RIMS2: variants seen among roughly 807,000 people sequenced by gnomAD.
RIMS2 encodes the protein regulating synaptic membrane exocytosis 2.
In RIMS2, 59 loss-of-function variants were observed where a neutral mutation model predicts 174.4. That is an observed-to-expected ratio of 0.34 (90% confidence interval 0.27 to 0.42). The LOEUF is 0.42. RIMS2 is among the 10% of genes least tolerant of loss of function. The pLI is 1.00. For synonymous variants in RIMS2, 606 were observed against 572.5 expected (o/e 1.06, Z -0.84); for missense variants, 1,620 against 1,666.3 (o/e 0.97, Z 0.48).
intron 3 of RIMS2, among the ~76,000 whole-genome samples, chr8:103,770,675 T>C (rs2098242129): frequency 6.6e-6 from 1 of 152,148 alleles, no homozygotes; most frequent in East Asian, 1.9e-4. Flanking sequence ...TTGAAATTTC[T>C]CCCTTTGCCC....
intron 8 of RIMS2, among the ~76,000 whole-genome samples, chr8:103,917,315 T>C (rs1362366786): frequency 6.6e-6 from 1 of 152,186 alleles, no homozygotes; most frequent in African/African-American, 2.4e-5. Flanking sequence ...GCCTGTATTA[T>C]TTTTATCTCT....
At chr8:103,923,359 ATAAG>A (rs1315325158) in intron 10 of RIMS2, among the ~76,000 whole-genome samples, 5 of 151,810 alleles carry the variant, frequency 3.3e-5, no homozygotes, top group Admixed American at 6.6e-5. Flanking sequence ...GATTTCTATA[ATAAG>A]TAAGTATCAC....
chr8:104,249,350 G>T, intron 21 of RIMS2, 137 bp from the exon 28 acceptor site: 2 of 540,052 alleles, frequency 3.7e-6, no homozygotes, highest in African/African-American at 1.9e-5. Context: ...AGATATTATT[G>T]ATAGAATTTT....
intron 3 of RIMS2, among the ~76,000 whole-genome samples, chr8:103,812,813 ATACTT>A (rs1387516909): frequency 6.6e-6 from 1 of 152,222 alleles, no homozygotes; most frequent in Non-Finnish European, 1.5e-5. Context: ...GAAATATAGA[ATACTT>A]TACAACAGAG....
chr8:103,671,198 C>T (rs1049697802), intron 1 of RIMS2, among the ~76,000 whole-genome samples: 8 of 151,812 alleles, frequency 5.3e-5, no homozygotes, highest in East Asian at 1.9e-4. Context: ...TGGGGGAAAC[C>T]GCCCTCATGA....
chr8:103,889,432 T>A (rs1035253391), intron 4 of RIMS2, among the ~76,000 whole-genome samples: 2 of 151,794 alleles, frequency 1.3e-5, no homozygotes, highest in Non-Finnish European at 2.9e-5. Context: ...TTCAAAAATA[T>A]GCAAGGCAAA....
At chr8:103,647,703 T>A (rs1325252654) in intron 1 of RIMS2, among the ~76,000 whole-genome samples, 2 of 152,104 alleles carry the variant, frequency 1.3e-5, no homozygotes, top group African/African-American at 4.8e-5. Flanking sequence ...TTCTAGTTTA[T>A]GTGCATAGAG....
chr8:103,747,829 T>G (rs899584703), intron 2 of RIMS2, among the ~76,000 whole-genome samples: 3 of 152,096 alleles, frequency 2.0e-5, no homozygotes, highest in Non-Finnish European at 2.9e-5. Context: ...CTTATTAAGT[T>G]TGAGATAAAT....
intron 3 of RIMS2, among the ~76,000 whole-genome samples, chr8:103,866,755 C>T (rs903823105): frequency 1.3e-5 from 2 of 152,040 alleles, no homozygotes; most frequent in Non-Finnish European, 2.9e-5. Context: ...AACAAGATGA[C>T]AAGTGAATCT....
At chr8:103,591,697 G>A (rs1392214009) in intron 1 of RIMS2, among the ~76,000 whole-genome samples, 2 of 151,046 alleles carry the variant, frequency 1.3e-5, no homozygotes, top group Admixed American at 1.3e-4. Context: ...GTGCTTCAGT[G>A]TTTTTGTAGA....
chr8:104,184,512 A>G (rs1008399723), intron 19 of RIMS2, among the ~76,000 whole-genome samples: 3 of 151,598 alleles, frequency 2.0e-5, no homozygotes, highest in African/African-American at 7.2e-5. Flanking sequence ...ATTGAAAAGC[A>G]TAAGAAATAT....
At chr8:104,239,712 A>G (rs557509996) in intron 19 of RIMS2, among the ~76,000 whole-genome samples, 2 of 152,322 alleles carry the variant, frequency 1.3e-5, no homozygotes, top group Admixed American at 6.5e-5. Context: ...CTCAGAACTT[A>G]CTGTATTAGT....
intron 19 of RIMS2, among the ~76,000 whole-genome samples, chr8:104,115,224 A>G (rs546526307): frequency 2.0e-5 from 3 of 152,142 alleles, no homozygotes; most frequent in Non-Finnish European, 4.4e-5. Context: ...ATAGTTGTTT[A>G]TTCAATGAGG....
intron 2 of RIMS2, among the ~76,000 whole-genome samples, chr8:103,709,026 T>G (rs1425618182): frequency 6.6e-6 from 1 of 152,160 alleles, no homozygotes; most frequent in African/African-American, 2.4e-5. Flanking sequence ...TGCATTCAAG[T>G]TTACTGGTCT....
exon 21 of RIMS2, chr8:104,248,725 G>T: frequency 6.2e-7 from 1 of 1,610,342 alleles, no homozygotes; most frequent in Admixed American, 1.7e-5. Context: ...GTGTTCGCTT[G>T]GCCTCTGATA....
chr8:104,074,352 A>T (rs577951894), intron 19 of RIMS2, among the ~76,000 whole-genome samples: 1 of 152,260 alleles, frequency 6.6e-6, no homozygotes, highest in South Asian at 2.1e-4. Flanking sequence ...TTTGGTATCT[A>T]TTTTATAGGG....
Position 103,936,625 on chromosome 8 carries a change from C to T in RIMS2, c.2450C>T (p.Ser817Phe), listed in dbSNP as rs752363102. 30 of 1,610,734 alleles carry T rather than the reference C, an allele frequency of 1.9e-5. No homozygotes were observed. The South Asian group carries it at 3.2e-4, about 17-fold the overall frequency. Residue 817 changes from serine to phenylalanine, a missense_variant, in exon 13 of 24, where the codon TCT (serine) becomes TTT (phenylalanine). Ser to Phe is a radical substitution (Grantham distance 155, BLOSUM62 -2). This residue lies in a region of RIMS2 where 1,395 missense variants were observed against 1,360.1 expected (regional missense o/e 1.03). Transcript: ENST00000504942. ...AAATGGAACCAAACATTCATTTATT[C>T]TCCAGTCCACCGAAGAGAATTTCGG... is the stretch of plus-strand genomic sequence containing the variant.
chr8:103,758,056 T>G (rs1017126272), intron 2 of RIMS2, among the ~76,000 whole-genome samples: 3 of 152,234 alleles, frequency 2.0e-5, no homozygotes, highest in Admixed American at 2.0e-4. Context: ...ATTTGTAATT[T>G]GAGTCATGGA....
At chr8:103,754,928 A>G (rs1272245127) in intron 2 of RIMS2, among the ~76,000 whole-genome samples, 1 of 152,128 alleles carries the variant, frequency 6.6e-6, no homozygotes, top group East Asian at 1.9e-4. Context: ...CCCGTTTTAC[A>G]TTTAAGGTTA....
Sources: gnomAD v4.1 joint callset for allele counts (sites outside exome capture counted in the v4.1 genomes callset) on GRCh38, gnomAD v4.1.1 for gene constraint, gnomAD v4.1.1 regional missense constraint, MANE v1.5 for transcripts, NCBI Gene and HGNC (gene_info 2026-07-23, HGNC 2026-07-21) for gene names.